SMIM5: variants seen among roughly 807,000 people sequenced by gnomAD.
The protein encoded by SMIM5 is chromosome 17 open reading frame 109.
A neutral mutation model predicts 4.0 loss-of-function variants in SMIM5; 4 were observed. The observed-to-expected ratio is 1.01, with a 90% confidence interval of 0.50 to 2.30. The LOEUF (loss-of-function observed/expected upper bound fraction) is 2.30. Ranked by LOEUF, SMIM5 falls within the 30% of genes most tolerant of loss-of-function variation. The pLI is 0.02. For synonymous variants in SMIM5, 46 were observed against 43.6 expected, an observed-to-expected ratio of 1.05 and a Z score of -0.22; for missense variants, 107 against 99.2, an observed-to-expected ratio of 1.08 and a Z score of -0.34.
chr17:75,640,430 G>C lies in SMIM5; in HGVS notation c.127+102G>C. 2.8e-6 allele frequency: 4 copies of C among 1,430,858 alleles called. No individual in the cohort carries two copies. In the South Asian group the frequency reaches 6.0e-5, roughly 21 times the overall value. 88.6% of individuals were successfully genotyped at this position (1,430,858 alleles called of 1,614,324 possible). A position where few individuals can be genotyped will look rare whatever the true frequency, so the allele number is the denominator to read the frequency against. On this transcript the variant is annotated intron_variant, in intron 2 of 2. Transcript: ENST00000375215. This position sits in a 1 kb window ranked among gnomAD's most constrained non-coding sequence, Gnocchi z 4.6. ...CTGGCAGAGGTGGCGGGTGTCTGCC[G>C]GATCAAGGAGGAAAACCAGTTGTCC...
Position 75,640,624 on chromosome 17 carries a change from G to A in SMIM5, c.128-167G>A, listed in dbSNP as rs773287933. 2.6e-4 allele frequency among the ~76,000 whole-genome samples: 39 copies of A among 152,132 alleles called. No individual in the cohort carries two copies. Among genetic ancestry groups the A allele is most frequent in the Non-Finnish European group, 4.4e-4 (30 of 68,014 alleles). ...CAACATGGAGGAGGTTGGCCCTGGCGGCTGGCATGGGGACCGTCCGCACCT... is the reference window on the plus strand; with the variant it reads ...CAACATGGAGGAGGTTGGCCCTGGCAGCTGGCATGGGGACCGTCCGCACCT... On this transcript the variant is annotated intron_variant, in intron 2 of 2. Coordinates refer to ENST00000375215, the MANE Select transcript of SMIM5 (RefSeq NM_001162995.3). The surrounding 1 kb of genome is among the most constrained non-coding windows in gnomAD (Gnocchi z 4.6).
At chr17:75,634,425 C>T (rs1463381553) in intron 1 of SMIM5, among the ~76,000 whole-genome samples, 1 of 152,216 alleles carries the variant, frequency 6.6e-6, no homozygotes, top group African/African-American at 2.4e-5. Flanking sequence ...CTGCTCAGAG[C>T]GCCTCCTGCT....
At chr17:75,634,260 T>C in intron 1 of SMIM5, 58 bp downstream of exon 1, 1 of 985,392 alleles carries the variant, frequency 1.0e-6, no homozygotes. Context: ...AAGGGTCCCC[T>C]GCCCCCAGGG....
chr17:75,640,463 G>T lies in SMIM5; in HGVS notation c.127+135G>T. Reference sequence around the variant, plus strand: ...GAGGAAAACCAGTTGTCCCTTGGGGGAAGCCAAGGGACTTCCCTCATCCTC... The same window carrying T: ...GAGGAAAACCAGTTGTCCCTTGGGGTAAGCCAAGGGACTTCCCTCATCCTC... On this transcript the variant is annotated intron_variant, in intron 2 of 2. Transcript: ENST00000375215. This position sits in a 1 kb window ranked among gnomAD's most constrained non-coding sequence, Gnocchi z 4.6. The T allele has an allele frequency of 7.4e-7, 1 of 1,344,066 alleles. No homozygotes were observed. Among genetic ancestry groups the T allele is most frequent in the East Asian group, 2.6e-5 (1 of 39,136 alleles). 83.3% of individuals were successfully genotyped at this position (1,344,066 alleles called of 1,614,324 possible).
rs2059333337 is a variant in SMIM5, at chr17:75,636,898, A to G, written c.-37+2696A>G. On this transcript the variant is annotated intron_variant, in intron 1 of 2. Coordinates refer to ENST00000375215, the MANE Select transcript of SMIM5 (RefSeq NM_001162995.3). The surrounding 1 kb of genome is among the most constrained non-coding windows in gnomAD (Gnocchi z 5.4). ...ACCCTGGGGCTGGGTGAGGCTGGCC[A>G]TGCCTGGCTGGCAAATTCAGCTTCC... The G allele has an allele frequency of 6.6e-6, 1 of 152,284 alleles. No homozygotes were observed. The highest frequency in any genetic ancestry group is 2.4e-5 in the African/African-American group (1 of 41,458). 9.4% of individuals were successfully genotyped at this position (152,284 alleles called of 1,614,324 possible). A position where few individuals can be genotyped will look rare whatever the true frequency, so the allele number is the denominator to read the frequency against.
Position 75,638,653 on chromosome 17 carries a change from G to T in SMIM5, c.-36-1513G>T, listed in dbSNP as rs541851545. On this transcript the variant is annotated intron_variant, in intron 1 of 2. Transcript: ENST00000375215. ...CAAAGCCAGTGAGACCCGTCCCGGG[G>T]GGGCATTCTCGTGTGCCGGGCACCC... 6.6e-5 allele frequency: 10 copies of T among 152,470 alleles called. No individual in the cohort carries two copies. The East Asian group carries it at 1.9e-3, about 29-fold the overall frequency. The allele number at this position is 152,470 out of a possible 1,614,324, so 9.4% of individuals were successfully genotyped here. A position where few individuals can be genotyped will look rare whatever the true frequency, so the allele number is the denominator to read the frequency against.
At chr17:75,634,330 C>A in intron 1 of SMIM5, 128 bp downstream of exon 1, 1 of 908,482 alleles carries the variant, frequency 1.1e-6, no homozygotes, top group Non-Finnish European at 1.3e-6. Flanking sequence ...TGGGTCGCTT[C>A]CCTGCAGGGA....
rs1221017300 is a variant in SMIM5, at chr17:75,640,528, G to A, written c.127+200G>A. On this transcript the variant is annotated intron_variant, in intron 2 of 2. Transcript: ENST00000375215. This position sits in a 1 kb window ranked among gnomAD's most constrained non-coding sequence, Gnocchi z 4.6. ...GGTGATGGGCGGTGCTGGGGACTGG[G>A]CCCAGCAGTACCCCGGGATCCCAAA... 6.6e-6 allele frequency among the ~76,000 whole-genome samples: 1 copy of A among 152,126 alleles called. No individual in the cohort carries two copies.
chr17:75,638,643 C>G (rs774541119), intron 1 of SMIM5: 1 of 152,328 alleles, frequency 6.6e-6, no homozygotes, highest in Non-Finnish European at 1.5e-5. Context: ...CCAGTGAGAC[C>G]CGTCCCGGGG....
rs989153440 is a variant in SMIM5 at position 75,636,929 on chromosome 17, GC to G, written c.-37+2732del. On this transcript the variant is annotated intron_variant, in intron 1 of 2. Coordinates refer to ENST00000375215, the MANE Select transcript of SMIM5 (RefSeq NM_001162995.3). The surrounding 1 kb of genome is among the most constrained non-coding windows in gnomAD (Gnocchi z 5.4). ...GGCTGGCAAATTCAGCTTCCAGTCA[GC>G]CCCCTAGGGAAGCCCTGGGCGCAAA... The G allele has an allele frequency of 3.3e-5, 5 of 152,180 alleles. No homozygotes were observed. The highest frequency in any genetic ancestry group is 1.2e-4 in the African/African-American group (5 of 41,426). 9.4% of individuals were successfully genotyped at this position (152,180 alleles called of 1,614,324 possible).
intron 1 of SMIM5, chr17:75,637,428 A>G (rs1359251791): frequency 2.0e-5 from 3 of 152,322 alleles, no homozygotes; most frequent in Non-Finnish European, 4.4e-5. Flanking sequence ...CACTGTCGGC[A>G]TTGTCGTCCC....
chr17:75,634,607 G>A (rs532466252), intron 1 of SMIM5, among the ~76,000 whole-genome samples: 1 of 152,328 alleles, frequency 6.6e-6, no homozygotes, highest in Admixed American at 6.5e-5. Context: ...GCCCTGTCGA[G>A]GTCAGCGCAG....
intron 1 of SMIM5, chr17:75,638,109 G>A (rs530513182): frequency 6.6e-6 from 1 of 152,198 alleles, no homozygotes; most frequent in South Asian, 2.1e-4. Context: ...CTAACTCAGG[G>A]AACCCACGGC....
rs1355201757 is a variant in SMIM5 at position 75,633,971 on chromosome 17, G to A, written c.-268G>A. The stretch of plus-strand genomic sequence containing the variant: ...ACCGGGACATGAAGTTGGAGGACAA[G>A]TTCCCAAGCAGGGCTTCCTCGGGCT... On this transcript the variant is annotated 5_prime_UTR_variant, in exon 1 of 3. Transcript: ENST00000375215. 1.0e-6 allele frequency: 1 copy of A among 985,510 alleles called. No homozygotes were observed. The highest frequency in any genetic ancestry group is 1.2e-6 in the Non-Finnish European group (1 of 830,034). 61.0% of individuals were successfully genotyped at this position (985,510 alleles called of 1,614,324 possible).
At chr17:75,635,963 G>A in intron 1 of SMIM5, 1 of 512,300 alleles carries the variant, frequency 2.0e-6, no homozygotes, top group Non-Finnish European at 2.5e-6. Context: ...GGCTCCGTGT[G>A]CCAGGAGATG....
intron 1 of SMIM5, chr17:75,639,329 T>G (rs1158617026): frequency 6.6e-6 from 1 of 152,304 alleles, no homozygotes; most frequent in Non-Finnish European, 1.5e-5. Flanking sequence ...GACAAGGTTG[T>G]CTCTGGCTCC....
chr17:75,634,286 T>C, intron 1 of SMIM5, 84 bp downstream of exon 1: 1 of 982,306 alleles, frequency 1.0e-6, no homozygotes, highest in Non-Finnish European at 1.2e-6. Context: ...GGCCACAGTC[T>C]ACCATAAACA....
chr17:75,634,637 C>T (rs1598999288), intron 1 of SMIM5, among the ~76,000 whole-genome samples: 2 of 152,198 alleles, frequency 1.3e-5, no homozygotes, highest in African/African-American at 4.8e-5. Context: ...AGCCAGCATG[C>T]GGCGCCCCCA....
At chr17:75,634,325 C>A in intron 1 of SMIM5, 123 bp downstream of exon 1, 1 of 919,550 alleles carries the variant, frequency 1.1e-6, no homozygotes. Context: ...CATGCTGGGT[C>A]GCTTCCCTGC....
Sources: gnomAD v4.1 joint callset for allele counts (sites outside exome capture counted in the v4.1 genomes callset) on GRCh38, gnomAD v4.1.1 for gene constraint, Gnocchi (gnomAD v3.1) non-coding constraint, MANE v1.5 for transcripts, NCBI Gene and HGNC (gene_info 2026-07-23, HGNC 2026-07-21) for gene names.